PRKG1: variants seen among roughly 807,000 people sequenced by gnomAD.
The protein encoded by PRKG1 is cGMP-dependent protein kinase 1.
Under a neutral mutation model 88.1 loss-of-function variants are expected in PRKG1, and 35 were observed. That is an observed-to-expected ratio of 0.40 (90% CI 0.30 to 0.53). PRKG1 has a LOEUF of 0.53. Among genes scored for constraint, PRKG1 ranks in the 20% least tolerant of loss-of-function variants. PRKG1 has a pLI of 0.59. For missense variants in PRKG1, 540 were observed against 839.8 expected (o/e 0.64, Z 4.41); for synonymous variants, 303 against 292.5 (o/e 1.04, Z -0.37).
intron 2 of PRKG1, among the ~76,000 whole-genome samples, chr10:51,162,454 G>A (rs79486819): frequency 0.012 from 1,852 of 152,194 alleles, 29 homozygotes; most frequent in African/African-American, 0.041. Flanking sequence ...TTGTGCTAAG[G>A]CTCCAAAAGT....
chr10:51,932,177 C>G (rs1481271962), intron 5 of PRKG1, among the ~76,000 whole-genome samples: 1 of 148,650 alleles, frequency 6.7e-6, no homozygotes, highest in African/African-American at 2.5e-5. Flanking sequence ...ATCATTTTAT[C>G]TTTCCTGAAT....
chr10:52,081,860 T>C (rs1425344334), intron 7 of PRKG1, among the ~76,000 whole-genome samples: 1 of 77,660 alleles, frequency 1.3e-5, no homozygotes, highest in Non-Finnish European at 2.5e-5. Context: ...GAGAGAAGAA[T>C]GTTTCTTGTC....
chr10:52,169,681 A>T, intron 9 of PRKG1, among the ~76,000 whole-genome samples: 1 of 152,370 alleles, frequency 6.6e-6, no homozygotes, highest in African/African-American at 2.4e-5. Context: ...GTTTCATTTC[A>T]CAATGGAGTG....
chr10:51,407,934 G>A (rs575869390), intron 2 of PRKG1, among the ~76,000 whole-genome samples: 1 of 152,242 alleles, frequency 6.6e-6, no homozygotes, highest in East Asian at 1.9e-4. Context: ...GAGGAGCCTG[G>A]CGGCAATCTT....
At chr10:51,645,130 A>G (rs1295164256) in intron 3 of PRKG1, among the ~76,000 whole-genome samples, 1 of 152,138 alleles carries the variant, frequency 6.6e-6, no homozygotes, top group African/African-American at 2.4e-5. Flanking sequence ...CATCTTGGTC[A>G]TTGTTTCTAA....
intron 3 of PRKG1, among the ~76,000 whole-genome samples, chr10:51,577,977 A>G (rs1837931007): frequency 6.6e-6 from 1 of 152,132 alleles, no homozygotes; most frequent in African/African-American, 2.4e-5. Context: ...CTAGTAGGCT[A>G]CACTGAAATT....
chr10:51,419,729 G>A (rs1838355322), intron 2 of PRKG1, among the ~76,000 whole-genome samples: 2 of 151,920 alleles, frequency 1.3e-5, no homozygotes, highest in Admixed American at 1.3e-4. Flanking sequence ...GATAAAATTA[G>A]TGATGTGGAA....
intron 14 of PRKG1, among the ~76,000 whole-genome samples, chr10:52,283,514 C>T (rs543057409): frequency 8.5e-5 from 13 of 152,160 alleles, no homozygotes; most frequent in East Asian, 5.8e-4. Flanking sequence ...ACTACAACAA[C>T]GACAGTCATT....
chr10:51,577,034 A>G (rs1837906405), intron 3 of PRKG1, among the ~76,000 whole-genome samples: 1 of 152,034 alleles, frequency 6.6e-6, no homozygotes, highest in Non-Finnish European at 1.5e-5. Context: ...TGGATTCTAT[A>G]AAGTTTACTA....
At chr10:51,576,552 T>G (rs961764669) in intron 3 of PRKG1, among the ~76,000 whole-genome samples, 1 of 152,096 alleles carries the variant, frequency 6.6e-6, no homozygotes, top group African/African-American at 2.4e-5. Context: ...ACTGATGATT[T>G]GTTTCCTTGG....
chr10:51,530,514 C>T lies in PRKG1; in HGVS notation c.592+62678C>T, dbSNP rs142226317. Among the ~76,000 whole-genome samples, 374 of 152,288 alleles carry T rather than the reference C, an allele frequency of 2.5e-3. 5 individuals carry two copies. The highest frequency in any genetic ancestry group is 8.8e-3 in the African/African-American group (364 of 41,572). On this transcript the variant is annotated intron_variant, in intron 3 of 17. Transcript: ENST00000373980. ...CTGCCAGGCTATTCCAAATCACACT[C>T]TTGTTATTAAATCTCCTATTTTCCA...
chr10:51,262,132 C>T (rs1208700666), intron 2 of PRKG1, among the ~76,000 whole-genome samples: 5 of 151,754 alleles, frequency 3.3e-5, no homozygotes, highest in Non-Finnish European at 5.9e-5. Context: ...GTGATCCGCC[C>T]GCCTCGGCCT....
chr10:51,252,603 A>G (rs962293506), intron 2 of PRKG1, among the ~76,000 whole-genome samples: 15 of 151,512 alleles, frequency 9.9e-5, no homozygotes, highest in Admixed American at 2.6e-4. Context: ...CATTCTCTCA[A>G]CTCTACATAA....
intron 2 of PRKG1, among the ~76,000 whole-genome samples, chr10:51,335,665 GGGATTACA>G (rs1841858374): frequency 6.6e-6 from 1 of 152,092 alleles, no homozygotes; most frequent in Non-Finnish European, 1.5e-5. Context: ...CTGAGTAGCT[GGGATTACA>G]GGTGCATGCC....
At chr10:51,280,008 G>A (rs1243412776) in intron 2 of PRKG1, among the ~76,000 whole-genome samples, 2 of 152,184 alleles carry the variant, frequency 1.3e-5, no homozygotes, top group African/African-American at 4.8e-5. Flanking sequence ...GCAGTGGCTG[G>A]TACTGGTTGT....
chr10:51,568,388 C>T (rs1414344419), intron 3 of PRKG1: 1 of 151,620 alleles, frequency 6.6e-6, no homozygotes, highest in African/African-American at 2.4e-5. Flanking sequence ...TCCATTTTTT[C>T]ATATATTTTT....
chr10:51,178,720 G>T (rs1348687012), intron 2 of PRKG1, among the ~76,000 whole-genome samples: 1 of 151,970 alleles, frequency 6.6e-6, no homozygotes, highest in Non-Finnish European at 1.5e-5. Flanking sequence ...GTGGAAGTTG[G>T]CCTGAGACAT....
intron 3 of PRKG1, among the ~76,000 whole-genome samples, chr10:51,777,228 A>G (rs1054004951): frequency 2.0e-5 from 3 of 152,136 alleles, no homozygotes; most frequent in Non-Finnish European, 4.4e-5. Context: ...ATAATCTTTC[A>G]TCTTCACAAT....
intron 4 of PRKG1, among the ~76,000 whole-genome samples, chr10:51,861,239 T>C (rs772354815): frequency 6.6e-6 from 1 of 152,170 alleles, no homozygotes; most frequent in Non-Finnish European, 1.5e-5. Flanking sequence ...TTCACTGTCT[T>C]ATGGAAAAAG....
Sources: gnomAD v4.1 joint callset for allele counts (sites outside exome capture counted in the v4.1 genomes callset) on GRCh38, gnomAD v4.1.1 for gene constraint, MANE v1.5 for transcripts, NCBI Gene and HGNC (gene_info 2026-07-23, HGNC 2026-07-21) for gene names.